The following GABRB2 variants were observed in gnomAD, a reference collection of about 807,000 sequenced individuals.
GABRB2 encodes the protein gamma-aminobutyric acid receptor subunit beta-2.
GABRB2 carries 16 observed loss-of-function variants against 54.7 expected under a neutral mutation model. That is an observed-to-expected ratio of 0.29 (90% confidence interval 0.20 to 0.44). The LOEUF (loss-of-function observed/expected upper bound fraction) is 0.44. Ranked by LOEUF, GABRB2 falls within the 20% of genes least tolerant of loss-of-function variation. The probability of loss-of-function intolerance (pLI) is 1.00; values close to 1 mark genes in which losing one functional copy is unlikely to be tolerated. For missense variants in GABRB2, 355 were observed against 644.0 expected (o/e 0.55, Z 4.86); for synonymous variants, 244 against 233.8 (o/e 1.04, Z -0.40).
chr5:161,404,097 C>T (rs955115480), intron 5 of GABRB2, among the ~76,000 whole-genome samples: 22 of 152,046 alleles, frequency 1.4e-4, no homozygotes, highest in Admixed American at 3.3e-4. Flanking sequence ...TCCAGATACA[C>T]GTCAAGGTCA....
At chr5:161,482,093 T>A (rs1356435567) in intron 3 of GABRB2, among the ~76,000 whole-genome samples, 1 of 151,996 alleles carries the variant, frequency 6.6e-6, no homozygotes, top group African/African-American at 2.4e-5. Context: ...TGTCTCAAAC[T>A]CCTTTCCCAT....
At chr5:161,372,588 T>G (rs1755164253) in intron 5 of GABRB2, among the ~76,000 whole-genome samples, 1 of 152,102 alleles carries the variant, frequency 6.6e-6, no homozygotes, top group African/African-American at 2.4e-5. Flanking sequence ...TGTTCTGCCC[T>G]CAAAGGGAAG....
intron 5 of GABRB2, among the ~76,000 whole-genome samples, 186 bp from the exon 6 acceptor site, chr5:161,336,955 C>A (rs1412775139): frequency 1.3e-5 from 2 of 152,056 alleles, no homozygotes; most frequent in Non-Finnish European, 2.9e-5. Context: ...ATTTAATCCT[C>A]ATGACGATCT....
At chr5:161,311,402 C>A (rs969944098) in intron 9 of GABRB2, among the ~76,000 whole-genome samples, 5 of 152,166 alleles carry the variant, frequency 3.3e-5, no homozygotes, top group African/African-American at 1.2e-4. Context: ...ATAGAGAAAT[C>A]TAGATTTATA....
chr5:161,370,471 A>C (rs568896350), intron 5 of GABRB2, among the ~76,000 whole-genome samples: 1 of 152,304 alleles, frequency 6.6e-6, no homozygotes, highest in South Asian at 2.1e-4. Context: ...TACCGCCTCC[A>C]TTTGTTAAAA....
At chr5:161,381,365 A>G (rs373170891) in intron 5 of GABRB2, among the ~76,000 whole-genome samples, 4 of 152,200 alleles carry the variant, frequency 2.6e-5, no homozygotes, top group East Asian at 3.8e-4. Flanking sequence ...TAATGACAGC[A>G]GTATCATTAT....
rs1235582050 is a variant in GABRB2, at chr5:161,289,247, T to C, written c.*4834A>G. Reference sequence around the variant, plus strand: ...AAGAGTGCTGCTTTTTTTTTTTTTTTTTGTACAGATTTCTTTAGGGCAGTA... The same window carrying C: ...AAGAGTGCTGCTTTTTTTTTTTTTTCTTGTACAGATTTCTTTAGGGCAGTA... On this transcript the variant is annotated 3_prime_UTR_variant, in exon 10 of 10. Coordinates refer to ENST00000393959, the MANE Select transcript of GABRB2 (RefSeq NM_001371727.1). 6.7e-6 allele frequency: 1 copy of C among 149,978 alleles called. No homozygotes were observed. Among genetic ancestry groups the C allele is most frequent in the Non-Finnish European group, 1.5e-5 (1 of 67,622 alleles). The allele number at this position is 149,978 out of a possible 1,614,324, so 9.3% of individuals were successfully genotyped here.
In GABRB2 at chr5:161,289,243, T is replaced by TTTTTTTTTTTC; in HGVS notation, c.*4837_*4838insGAAAAAAAAAA. ...TTTTAAGAGTGCTGCTTTTTTTTTTTTTTTTTGTACAGATTTCTTTAGGGC... is the reference window on the plus strand; with the variant it reads ...TTTTAAGAGTGCTGCTTTTTTTTTTTTTTTTTTTTTCTTTTTTGTACAGATTTCTTTAGGGC... On this transcript the variant is annotated 3_prime_UTR_variant, in exon 10 of 10. Transcript: ENST00000393959. 6.7e-6 allele frequency: 1 copy of TTTTTTTTTTTC among 149,074 alleles called. No homozygotes were observed. The highest frequency in any genetic ancestry group is 2.0e-4 in the East Asian group (1 of 5,124). The allele number at this position is 149,074 out of a possible 1,614,324, so 9.2% of individuals were successfully genotyped here.
chr5:161,410,388 T>TCACACA (rs1491564761), intron 5 of GABRB2, among the ~76,000 whole-genome samples: 5,532 of 149,664 alleles, frequency 0.037, 317 homozygotes, highest in African/African-American at 0.12. Context: ...TAAACAGAAT[T>TCACACA]CTCACACACA....
chr5:161,289,232 C>CTTTTTTTTTTTTTTT lies in GABRB2; in HGVS notation c.*4834_*4848dup, dbSNP rs56372028. 2.0e-3 allele frequency: 185 copies of CTTTTTTTTTTTTTTT among 90,428 alleles called. 4 individuals carry two copies. The highest frequency in any genetic ancestry group is 6.0e-3 in the Middle Eastern group (1 of 166). The allele number at this position is 90,428 out of a possible 1,614,324, so 5.6% of individuals were successfully genotyped here. Reference sequence around the variant, plus strand: ...ACCTAGTAGCTTTTTAAGAGTGCTGCTTTTTTTTTTTTTTTTTGTACAGAT... The same window carrying CTTTTTTTTTTTTTTT: ...ACCTAGTAGCTTTTTAAGAGTGCTGCTTTTTTTTTTTTTTTTTTTTTTTTTTTTTTTTGTACAGAT... On this transcript the variant is annotated 3_prime_UTR_variant, in exon 10 of 10. Transcript: ENST00000393959.
intron 9 of GABRB2, among the ~76,000 whole-genome samples, chr5:161,323,302 C>T (rs140840870): frequency 1.6e-3 from 242 of 152,278 alleles, no homozygotes; most frequent in African/African-American, 5.7e-3. Flanking sequence ...GGATTACAGG[C>T]GTGAGCCACC....
intron 5 of GABRB2, among the ~76,000 whole-genome samples, chr5:161,341,147 G>A (rs533149429): frequency 1.4e-4 from 22 of 152,074 alleles, no homozygotes; most frequent in South Asian, 1.0e-3. Flanking sequence ...ATACTATGTA[G>A]GATGAGTTTA....
At chr5:161,331,253 T>A in intron 7 of GABRB2, 126 bp from the exon 8 acceptor site, 2 of 1,100,464 alleles carry the variant, frequency 1.8e-6, no homozygotes, top group Middle Eastern at 2.9e-4. Context: ...ATTGGGCCTT[T>A]ACTATTGCAT....
intron 4 of GABRB2, among the ~76,000 whole-genome samples, chr5:161,436,020 C>A (rs1407575720): frequency 6.6e-6 from 1 of 152,052 alleles, no homozygotes; most frequent in Non-Finnish European, 1.5e-5. Flanking sequence ...GTAACAGGGG[C>A]AATACAGAGT....
intron 9 of GABRB2, among the ~76,000 whole-genome samples, chr5:161,321,162 T>C (rs1168554016): frequency 6.6e-6 from 1 of 152,046 alleles, no homozygotes; most frequent in Non-Finnish European, 1.5e-5. Flanking sequence ...AACACTGTCA[T>C]AATGGTGATC....
intron 4 of GABRB2, among the ~76,000 whole-genome samples, chr5:161,413,977 C>T (rs1366527423): frequency 6.6e-6 from 1 of 152,144 alleles, no homozygotes; most frequent in Non-Finnish European, 1.5e-5. Flanking sequence ...AATGCTACTG[C>T]AGGAGCAATG....
chr5:161,512,177 GAT>G (rs1358953444), intron 3 of GABRB2, among the ~76,000 whole-genome samples: 1 of 151,852 alleles, frequency 6.6e-6, no homozygotes, highest in African/African-American at 2.4e-5. Flanking sequence ...GCAATCTTCA[GAT>G]TCAACTCTAT....
At chr5:161,373,373 A>G (rs1301367858) in intron 5 of GABRB2, among the ~76,000 whole-genome samples, 3 of 152,198 alleles carry the variant, frequency 2.0e-5, no homozygotes, top group Non-Finnish European at 2.9e-5. Flanking sequence ...AATTAAGAAG[A>G]AGACTAAACA....
intron 4 of GABRB2, among the ~76,000 whole-genome samples, chr5:161,436,264 G>A (rs1459584190): frequency 6.6e-6 from 1 of 152,154 alleles, no homozygotes; most frequent in Non-Finnish European, 1.5e-5. Context: ...TGAGCACAGT[G>A]GCTCACACTT....
Sources: gnomAD v4.1 joint callset for allele counts (sites outside exome capture counted in the v4.1 genomes callset) on GRCh38, gnomAD v4.1.1 for gene constraint, MANE v1.5 for transcripts, NCBI Gene and HGNC (gene_info 2026-07-23, HGNC 2026-07-21) for gene names.